The following CDH12 variants were observed in gnomAD, a reference collection of about 807,000 sequenced individuals.
CDH12 encodes cadherin-12.
In CDH12, 41 loss-of-function variants were observed where a neutral mutation model predicts 74.1. The ratio of observed to expected loss-of-function variants is 0.55; its 90% CI spans 0.43 to 0.72. The LOEUF (loss-of-function observed/expected upper bound fraction) is 0.72, where lower values mean the gene tolerates loss of function less well. Ranked by LOEUF, CDH12 falls within the 30% of genes least tolerant of loss-of-function variation. The pLI is 0.00. For missense variants in CDH12, 945 were observed against 977.2 expected (o/e 0.97, Z 0.44); for synonymous variants, 399 against 355.0 (o/e 1.12, Z -1.39).
At chr5:21,863,763 G>A (rs1751176794) in intron 6 of CDH12, among the ~76,000 whole-genome samples, 1 of 152,102 alleles carries the variant, frequency 6.6e-6, no homozygotes, top group Non-Finnish European at 1.5e-5. Flanking sequence ...AATCACATAG[G>A]CAAGAAGACT....
chr5:22,128,417 T>TA (rs1021347954), intron 4 of CDH12, among the ~76,000 whole-genome samples: 2 of 152,036 alleles, frequency 1.3e-5, no homozygotes. Context: ...AGCTAGTTTT[T>TA]TTTTTCTTTT....
intron 4 of CDH12, among the ~76,000 whole-genome samples, chr5:22,206,983 G>A (rs1315668441): frequency 6.6e-6 from 1 of 151,040 alleles, no homozygotes; most frequent in Non-Finnish European, 1.5e-5. Flanking sequence ...GGAGGCGGAG[G>A]TGGATGGATC....
At chr5:21,803,249 G>T (rs1172804974) in intron 9 of CDH12, among the ~76,000 whole-genome samples, 1 of 151,912 alleles carries the variant, frequency 6.6e-6, no homozygotes, top group African/African-American at 2.4e-5. Flanking sequence ...AATACTTTTG[G>T]ATGTCTAGAT....
chr5:21,991,557 C>A lies in CDH12; in HGVS notation c.232-16172G>T, dbSNP rs530622333. Among the ~76,000 whole-genome samples the A allele has an allele frequency of 1.7e-4, 25 of 144,008 alleles. No individual in the cohort carries two copies. In the South Asian group the frequency reaches 5.0e-3, roughly 29 times the overall value. The allele number at this position is 144,008 out of a possible 152,430, so 94.5% of individuals were successfully genotyped here. A position where few individuals can be genotyped will look rare whatever the true frequency, so the allele number is the denominator to read the frequency against. On this transcript the variant is annotated intron_variant, in intron 5 of 14. Transcript: ENST00000382254. ...TATATATAATTTGTTAAATATATAA[C>A]ATTTATATATATGTATATAAATCTC... is the stretch of plus-strand genomic sequence containing the variant.
At chr5:22,396,662 G>A (rs929612145) in intron 3 of CDH12, among the ~76,000 whole-genome samples, 16 of 152,212 alleles carry the variant, frequency 1.1e-4, no homozygotes, top group Middle Eastern at 6.8e-3. Flanking sequence ...AGGCTTCAAT[G>A]TCAGCAAGCT....
chr5:22,165,477 C>CACACATACACAT (rs1335079502), intron 4 of CDH12, among the ~76,000 whole-genome samples: 5 of 133,474 alleles, frequency 3.7e-5, no homozygotes, highest in African/African-American at 1.4e-4. Flanking sequence ...AGCCTCCCAA[C>CACACATACACAT]ACACATACAC....
At chr5:22,826,492 G>T (rs1255102109) in intron 1 of CDH12, among the ~76,000 whole-genome samples, 1 of 152,186 alleles carries the variant, frequency 6.6e-6, no homozygotes, top group Non-Finnish European at 1.5e-5. Context: ...TTGGAACTGG[G>T]TAACAGACAG....
chr5:22,271,700 A>G lies in CDH12; in HGVS notation c.-332-59057T>C, dbSNP rs148143061. Among the ~76,000 whole-genome samples, 21 of 152,326 alleles carry G rather than the reference A, an allele frequency of 1.4e-4. No individual in the cohort carries two copies. The East Asian group carries it at 3.9e-3, about 28-fold the overall frequency. On this transcript the variant is annotated intron_variant, in intron 3 of 14. Coordinates refer to ENST00000382254, the MANE Select transcript of CDH12 (RefSeq NM_004061.5). ...CAGAATGGATGCTGTCTTAGCAGAC[A>G]TGAAAATAACATTAATCTATTGCTA...
intron 3 of CDH12, among the ~76,000 whole-genome samples, chr5:22,256,309 A>G (rs866033347): frequency 4.8e-4 from 73 of 152,142 alleles, no homozygotes; most frequent in African/African-American, 1.4e-3. Context: ...ATTATAAAGG[A>G]GATAAAAATT....
At chr5:22,578,319 A>G (rs745850029) in intron 1 of CDH12, among the ~76,000 whole-genome samples, 2 of 152,008 alleles carry the variant, frequency 1.3e-5, no homozygotes, top group Non-Finnish European at 2.9e-5. Flanking sequence ...AATTGCGTCT[A>G]AATCTGTAAT....
intron 1 of CDH12, among the ~76,000 whole-genome samples, chr5:22,646,830 T>C (rs1290569358): frequency 6.6e-6 from 1 of 151,918 alleles, no homozygotes; most frequent in East Asian, 1.9e-4. Context: ...ACACTGCTTA[T>C]GAAATTACAA....
chr5:22,248,451 C>T (rs775897539), intron 3 of CDH12, among the ~76,000 whole-genome samples: 2 of 151,948 alleles, frequency 1.3e-5, no homozygotes, highest in Non-Finnish European at 2.9e-5. Context: ...TATTTCAAAT[C>T]AAAGAAAAAA....
chr5:22,448,891 T>C (rs1395402540), intron 2 of CDH12, among the ~76,000 whole-genome samples: 4 of 152,080 alleles, frequency 2.6e-5, no homozygotes, highest in South Asian at 2.1e-4. Context: ...ATGATTATTA[T>C]TTTTTCAAGA....
intron 3 of CDH12, among the ~76,000 whole-genome samples, chr5:22,244,303 A>G (rs961684689): frequency 6.6e-6 from 1 of 151,906 alleles, no homozygotes; most frequent in Admixed American, 6.6e-5. Flanking sequence ...CAGTCTGACT[A>G]ACATGGTGAA....
chr5:22,169,727 A>G (rs554743542), intron 4 of CDH12, among the ~76,000 whole-genome samples: 1 of 151,988 alleles, frequency 6.6e-6, no homozygotes, highest in Non-Finnish European at 1.5e-5. Flanking sequence ...CACAAAGCTA[A>G]TTGATACATA....
chr5:21,967,629 G>A (rs1756643840), intron 6 of CDH12, among the ~76,000 whole-genome samples: 1 of 152,146 alleles, frequency 6.6e-6, no homozygotes, highest in South Asian at 2.1e-4. Context: ...GTAACTATCA[G>A]TACAGCATGG....
chr5:22,113,741 C>T lies in CDH12; in HGVS notation c.-186-34879G>A, dbSNP rs145778260. ...ATGTTTTACAGAGTTTGACTCTTTTCTTTGACCAAAAATACAGTTATTCTA... is the reference window on the plus strand; with the variant it reads ...ATGTTTTACAGAGTTTGACTCTTTTTTTTGACCAAAAATACAGTTATTCTA... On this transcript the variant is annotated intron_variant, in intron 4 of 14. Coordinates refer to ENST00000382254, the MANE Select transcript of CDH12 (RefSeq NM_004061.5). Among the ~76,000 whole-genome samples, 1,252 of 152,172 alleles carry T rather than the reference C, an allele frequency of 8.2e-3. 19 individuals are homozygous for T. The highest frequency in any genetic ancestry group is 0.029 in the African/African-American group (1,194 of 41,518).
chr5:22,296,501 C>T (rs1043675026), intron 3 of CDH12, among the ~76,000 whole-genome samples: 20 of 152,136 alleles, frequency 1.3e-4, no homozygotes, highest in South Asian at 6.2e-4. Flanking sequence ...CAATTTGTGA[C>T]GGATACTTAG....
intron 4 of CDH12, among the ~76,000 whole-genome samples, chr5:22,153,858 GTATATATATA>G (rs1208832724): frequency 8.4e-4 from 87 of 103,244 alleles, no homozygotes; most frequent in African/African-American, 3.2e-3. Flanking sequence ...ATGTGTGTGT[GTATATATATA>G]TATGTATATA....
Sources: gnomAD v4.1 joint callset for allele counts (sites outside exome capture counted in the v4.1 genomes callset) on GRCh38, gnomAD v4.1.1 for gene constraint, MANE v1.5 for transcripts, NCBI Gene and HGNC (gene_info 2026-07-23, HGNC 2026-07-21) for gene names.